C8orf34: variants seen among roughly 807,000 people sequenced by gnomAD.
C8orf34 encodes the protein chromosome 8 open reading frame 34, also known as uncharacterized protein C8orf34.
Under a neutral mutation model 68.3 loss-of-function variants are expected in C8orf34, and 65 were observed. That is an observed-to-expected ratio of 0.95 (90% confidence interval 0.78 to 1.17). C8orf34 has a LOEUF of 1.17. C8orf34 is among the 50% of genes most tolerant of loss of function. The pLI, the probability that C8orf34 is intolerant of heterozygous loss-of-function variation, is 0.00. For synonymous variants in C8orf34, 244 were observed against 241.2 expected, an observed-to-expected ratio of 1.01 and a Z score of -0.11; for missense variants, 664 against 655.4, an observed-to-expected ratio of 1.01 and a Z score of -0.14.
In C8orf34 at chr8:68,795,324, C is replaced by CT. The variant is rs59226472; in HGVS notation, c.1549+7804dup. 5.3e-3 allele frequency among the ~76,000 whole-genome samples: 679 copies of CT among 127,352 alleles called. 2 individuals are homozygous for CT. Among genetic ancestry groups the CT allele is most frequent in the South Asian group, 0.023 (93 of 4,124 alleles). The allele number at this position is 127,352 out of a possible 152,430, so 83.5% of individuals were successfully genotyped here. On this transcript the variant is annotated intron_variant, in intron 12 of 13. Coordinates refer to ENST00000518698, the MANE Select transcript of C8orf34 (RefSeq NM_052958.4). ...CCTCATGGACAGTTTTTATTGACTG[C>CT]TTTTTTTTTTTTTTTTCCTATTTAT...
At chr8:68,733,513 CAA>C (rs1822040706) in intron 10 of C8orf34, among the ~76,000 whole-genome samples, 2 of 152,200 alleles carry the variant, frequency 1.3e-5, no homozygotes, top group Admixed American at 6.5e-5. Flanking sequence ...TTTGCAAAAT[CAA>C]AGAGTTTAAC....
chr8:68,408,319 T>C (rs897166016), intron 1 of C8orf34, among the ~76,000 whole-genome samples: 1 of 151,426 alleles, frequency 6.6e-6, no homozygotes, highest in Non-Finnish European at 1.5e-5. Context: ...ATTATTGTAT[T>C]ATATATTATA....
At chr8:68,747,719 C>T (rs1822550921) in intron 10 of C8orf34, among the ~76,000 whole-genome samples, 1 of 151,958 alleles carries the variant, frequency 6.6e-6, no homozygotes. Flanking sequence ...CAAACCACTG[C>T]TCAAGGAAAT....
intron 1 of C8orf34, among the ~76,000 whole-genome samples, chr8:68,426,518 C>CAAAAAAAAAAAAA: frequency 3.4e-5 from 1 of 29,610 alleles, no homozygotes; most frequent in Non-Finnish European, 7.3e-5. Flanking sequence ...GACCTTGTCT[C>CAAAAAAAAAAAAA]AAAAAAAAAA....
chr8:68,621,708 A>G (rs1445943373), intron 7 of C8orf34, among the ~76,000 whole-genome samples: 1 of 152,190 alleles, frequency 6.6e-6, no homozygotes, highest in Admixed American at 6.5e-5. Flanking sequence ...TTTCTTCTAT[A>G]TGTAAGTCTC....
intron 3 of C8orf34, among the ~76,000 whole-genome samples, chr8:68,460,350 C>T (rs1302875207): frequency 3.9e-5 from 6 of 152,348 alleles, no homozygotes; most frequent in African/African-American, 9.6e-5. Flanking sequence ...GTAGGCTCCA[C>T]CTCTGGGGGC....
chr8:68,680,359 A>G (rs1211310416), intron 8 of C8orf34, among the ~76,000 whole-genome samples: 3 of 152,190 alleles, frequency 2.0e-5, no homozygotes, highest in Non-Finnish European at 4.4e-5. Flanking sequence ...CAATATTTCA[A>G]TGTAGGTTCT....
At chr8:68,726,468 T>C (rs1265772063) in intron 10 of C8orf34, among the ~76,000 whole-genome samples, 2 of 152,138 alleles carry the variant, frequency 1.3e-5, no homozygotes, top group African/African-American at 2.4e-5. Context: ...GAAAAAAATA[T>C]CTGTGACAAG....
intron 8 of C8orf34, among the ~76,000 whole-genome samples, chr8:68,700,654 A>G (rs1820987810): frequency 6.6e-6 from 1 of 152,106 alleles, no homozygotes; most frequent in South Asian, 2.1e-4. Flanking sequence ...GAAGCCTGCA[A>G]AGTAATTGGG....
chr8:68,610,952 C>T (rs1818004920), intron 7 of C8orf34, among the ~76,000 whole-genome samples: 1 of 150,958 alleles, frequency 6.6e-6, no homozygotes, highest in African/African-American at 2.5e-5. Flanking sequence ...GCAACCTCCG[C>T]CTACCAGGGT....
chr8:68,706,521 C>T (rs554737261), intron 8 of C8orf34, among the ~76,000 whole-genome samples: 6 of 151,926 alleles, frequency 3.9e-5, no homozygotes, highest in Non-Finnish European at 8.8e-5. Flanking sequence ...TATTTGGTTG[C>T]GTAGAAAGTG....
intron 3 of C8orf34, among the ~76,000 whole-genome samples, chr8:68,457,320 A>G (rs534291118): frequency 6.6e-5 from 10 of 152,342 alleles, no homozygotes; most frequent in Admixed American, 5.9e-4. Flanking sequence ...ATGGAAATAC[A>G]GAAGGCAGAA....
chr8:68,745,616 C>G (rs1326509885), intron 10 of C8orf34, among the ~76,000 whole-genome samples: 1 of 151,944 alleles, frequency 6.6e-6, no homozygotes, highest in Non-Finnish European at 1.5e-5. Flanking sequence ...TTTAAACCAA[C>G]AAAGATCAAA....
chr8:68,543,123 C>T lies in C8orf34; in HGVS notation c.1105+9974C>T, dbSNP rs1347662556. ...ATATTCTTAGTTCTTTCTGCCACTT[C>T]GATATTCAAATATGCATATTATTAA... On this transcript the variant is annotated intron_variant, in intron 7 of 13. Coordinates refer to ENST00000518698, the MANE Select transcript of C8orf34 (RefSeq NM_052958.4). Among the ~76,000 whole-genome samples the T allele has an allele frequency of 3.9e-5, 6 of 152,084 alleles. No homozygotes were observed. In the East Asian group the frequency reaches 5.8e-4, roughly 15 times the overall value.
chr8:68,596,211 G>A (rs1176613654), intron 7 of C8orf34, among the ~76,000 whole-genome samples: 1 of 152,060 alleles, frequency 6.6e-6, no homozygotes, highest in Non-Finnish European at 1.5e-5. Flanking sequence ...GTAAGTTTAG[G>A]AACTTGGAGA....
chr8:68,683,764 T>C (rs1381478874), intron 8 of C8orf34, among the ~76,000 whole-genome samples: 3 of 152,136 alleles, frequency 2.0e-5, no homozygotes, highest in Non-Finnish European at 4.4e-5. Flanking sequence ...GTCACATTTA[T>C]TATTTTTTGG....
At chr8:68,395,878 G>A (rs765578280) in intron 1 of C8orf34, among the ~76,000 whole-genome samples, 3 of 152,042 alleles carry the variant, frequency 2.0e-5, no homozygotes, top group Non-Finnish European at 4.4e-5. Context: ...GTGTTCAATG[G>A]TAAGAAAACC....
At chr8:68,554,844 C>A (rs933015744) in intron 7 of C8orf34, among the ~76,000 whole-genome samples, 1 of 152,018 alleles carries the variant, frequency 6.6e-6, no homozygotes, top group African/African-American at 2.4e-5. Context: ...ACCCACATAT[C>A]TTTTTTAAAA....
At chr8:68,753,950 T>G (rs1272289760) in intron 10 of C8orf34, among the ~76,000 whole-genome samples, 4 of 152,198 alleles carry the variant, frequency 2.6e-5, no homozygotes, top group Non-Finnish European at 5.9e-5. Flanking sequence ...CAGTGGCTGC[T>G]GGAGAGGTCA....
Sources: allele counts gnomAD v4.1 joint callset (sites outside exome capture counted in the v4.1 genomes callset), GRCh38; gene constraint gnomAD v4.1.1; transcripts MANE v1.5; gene names NCBI Gene and HGNC (gene_info 2026-07-23, HGNC 2026-07-21).